Variants in RNF38 observed in about 807,000 individuals in gnomAD.
RNF38 encodes ring finger protein 38, also known as E3 ubiquitin-protein ligase RNF38.
Under a neutral mutation model 67.2 loss-of-function variants are expected in RNF38, and 15 were observed. That is an observed-to-expected ratio of 0.22 (90% CI 0.15 to 0.34). The LOEUF is 0.34. Among genes scored for constraint, RNF38 ranks in the 10% least tolerant of loss-of-function variants. RNF38 has a pLI of 1.00. For synonymous variants in RNF38, 220 were observed against 218.8 expected (o/e 1.01, Z -0.05); for missense variants, 524 against 639.9 (o/e 0.82, Z 1.95).
Position 36,339,605 on chromosome 9 carries a change from G to GTTGA in RNF38, c.*143_*146dup. The GTTGA allele has an allele frequency of 1.6e-6, 1 of 617,686 alleles. No homozygotes were observed. The allele number at this position is 617,686 out of a possible 1,614,324, so 38.3% of individuals were successfully genotyped here. On this transcript the variant is annotated 3_prime_UTR_variant, in exon 12 of 12. Coordinates refer to ENST00000259605, the MANE Select transcript of RNF38 (RefSeq NM_022781.5). ...TGAAGACTAATTGTAAGCTTTTATAGTTGATTAAGTCACACAGTGCAAAGA... is the reference window on the plus strand; with the variant it reads ...TGAAGACTAATTGTAAGCTTTTATAGTTGATTGATTAAGTCACACAGTGCAAAGA...
chr9:36,389,061 CA>C (rs534110021), intron 2 of RNF38, among the ~76,000 whole-genome samples: 7 of 151,394 alleles, frequency 4.6e-5, no homozygotes, highest in African/African-American at 1.7e-4. Context: ...AGTTTCTGGG[CA>C]AAAAAAACCT....
intron 1 of RNF38, among the ~76,000 whole-genome samples, chr9:36,478,403 C>CAAAAA (rs566516265): frequency 1.4e-5 from 1 of 72,278 alleles, no homozygotes; most frequent in Non-Finnish European, 2.6e-5. Context: ...GACTCCGTCT[C>CAAAAA]AAAAAAAAAA....
At chr9:36,432,829 T>C (rs1204764158) in intron 1 of RNF38, among the ~76,000 whole-genome samples, 3 of 152,124 alleles carry the variant, frequency 2.0e-5, no homozygotes, top group Non-Finnish European at 4.4e-5. Context: ...ATTTCAGCCA[T>C]TCAGGAGAAA....
chr9:36,464,182 C>T (rs1017085523), intron 1 of RNF38, among the ~76,000 whole-genome samples: 8 of 149,884 alleles, frequency 5.3e-5, no homozygotes, highest in Admixed American at 5.3e-4. Context: ...AACAAACAAA[C>T]AAAAAACCAC....
chr9:36,348,204 G>A (rs903673449), intron 9 of RNF38, among the ~76,000 whole-genome samples: 25 of 151,126 alleles, frequency 1.7e-4, no homozygotes, highest in Admixed American at 2.6e-4. Flanking sequence ...GGCAAAGTTC[G>A]AATAGAAAAA....
chr9:36,400,022 G>T, intron 1 of RNF38, 75 bp downstream of exon 1: 2 of 1,300,414 alleles, frequency 1.5e-6, no homozygotes, highest in East Asian at 2.3e-5. Flanking sequence ...TTCTACTTAC[G>T]GTAGAATTAG....
At chr9:36,366,442 AGTT>A (rs1290113536) in intron 4 of RNF38, among the ~76,000 whole-genome samples, 1 of 152,158 alleles carries the variant, frequency 6.6e-6, no homozygotes, top group Non-Finnish European at 1.5e-5. Flanking sequence ...TCTTTTAAAA[AGTT>A]GTTCATGTTC....
At chr9:36,429,038 T>C (rs777314774) in intron 1 of RNF38, among the ~76,000 whole-genome samples, 11 of 152,146 alleles carry the variant, frequency 7.2e-5, no homozygotes, top group African/African-American at 1.4e-4. Flanking sequence ...ACTGGGAACA[T>C]AGGAATAAAT....
rs886804574 is a variant in RNF38, at chr9:36,411,036, TTTATG to T, written n.312+13572_312+13576del. ...CATTTAAATGGTTAAGATGGTACAT[TTTATG>T]TTATGTGTATTTTATTACAGTAAAA... On this transcript the variant is annotated intron_variant and non_coding_transcript_variant, in intron 2 of 3. Coordinates refer to the RNF38 transcript ENST00000488058. Among the ~76,000 whole-genome samples, 6 of 152,266 alleles carry T rather than the reference TTTATG, an allele frequency of 3.9e-5. No individual in the cohort carries two copies. In the South Asian group the frequency reaches 8.3e-4, roughly 21 times the overall value.
intron 1 of RNF38, 65 bp from the exon 2 acceptor site, chr9:36,390,681 A>G (rs1837013143): frequency 6.7e-7 from 1 of 1,497,768 alleles, no homozygotes; most frequent in Non-Finnish European, 9.1e-7. Context: ...AATCACGCCT[A>G]TGAAGGATAG....
At chr9:36,357,994 A>G (rs1834254112) in intron 4 of RNF38, 52 bp from the exon 5 acceptor site, 2 of 1,485,402 alleles carry the variant, frequency 1.3e-6, no homozygotes, top group African/African-American at 1.4e-5. Context: ...ATAAAATGTT[A>G]ACTATTCAAA....
intron 2 of RNF38, among the ~76,000 whole-genome samples, chr9:36,388,453 A>G (rs772372820): frequency 1.3e-5 from 2 of 152,236 alleles, no homozygotes; most frequent in Non-Finnish European, 2.9e-5. Context: ...GGACAATGAC[A>G]GAACTGATAA....
chr9:36,373,360 AC>A (rs1335855133), intron 3 of RNF38, among the ~76,000 whole-genome samples: 1 of 152,208 alleles, frequency 6.6e-6, no homozygotes, highest in Non-Finnish European at 1.5e-5. Flanking sequence ...TGCTTAATAA[AC>A]AGTCAAAGAA....
chr9:36,487,275 C>T (rs1417202456), intron 1 of RNF38: 2 of 984,080 alleles, frequency 2.0e-6, no homozygotes, highest in Non-Finnish European at 1.2e-6. Context: ...GACCCACGCC[C>T]CTCCCTGCCT....
intron 1 of RNF38, among the ~76,000 whole-genome samples, chr9:36,430,546 T>A (rs1838905918): frequency 6.6e-6 from 1 of 151,822 alleles, no homozygotes; most frequent in Non-Finnish European, 1.5e-5. Flanking sequence ...AGGAAAGAGG[T>A]AGTTAATGAA....
intron 1 of RNF38, among the ~76,000 whole-genome samples, chr9:36,434,167 C>T (rs561424072): frequency 3.9e-4 from 56 of 144,466 alleles, no homozygotes; most frequent in Non-Finnish European, 5.2e-4. Context: ...ACCTGGGAGG[C>T]GGAGATTACA....
chr9:36,350,578 T>C (rs1376565517), intron 9 of RNF38, among the ~76,000 whole-genome samples: 1 of 152,214 alleles, frequency 6.6e-6, no homozygotes, highest in Non-Finnish European at 1.5e-5. Context: ...GCTTATACAT[T>C]ATTTAAGATC....
intron 2 of RNF38, among the ~76,000 whole-genome samples, chr9:36,416,654 C>T (rs939959184): frequency 2.0e-5 from 3 of 151,834 alleles, no homozygotes; most frequent in Admixed American, 2.0e-4. Flanking sequence ...GCAGCCTTTC[C>T]CAAGAACCCC....
At chr9:36,384,820 G>A (rs190625210) in intron 2 of RNF38, among the ~76,000 whole-genome samples, 52 of 152,342 alleles carry the variant, frequency 3.4e-4, no homozygotes, top group African/African-American at 1.2e-3. Context: ...TTTAGTTCAA[G>A]GTGGGTCATA....
Sources: allele counts gnomAD v4.1 joint callset (sites outside exome capture counted in the v4.1 genomes callset), GRCh38; gene constraint gnomAD v4.1.1; transcripts MANE v1.5; gene names NCBI Gene and HGNC (gene_info 2026-07-23, HGNC 2026-07-21).